Variants in SPON1 observed in about 807,000 individuals in gnomAD.
SPON1 encodes spondin 1.
Under a neutral mutation model 111.7 loss-of-function variants are expected in SPON1, and 52 were observed. The observed-to-expected ratio is 0.47, with a 90% confidence interval of 0.37 to 0.59. The LOEUF is 0.59. Among genes scored for constraint, SPON1 ranks in the 20% least tolerant of loss-of-function variants. The pLI is 0.00. For synonymous variants in SPON1, 410 were observed against 395.8 expected, an observed-to-expected ratio of 1.04 and a Z score of -0.43; for missense variants, 957 against 1,068.5, an observed-to-expected ratio of 0.90 and a Z score of 1.46.
chr11:13,965,357 G>A (rs1334745926), intron 1 of SPON1, among the ~76,000 whole-genome samples: 1 of 152,212 alleles, frequency 6.6e-6, no homozygotes. Flanking sequence ...TTCAGGCCAA[G>A]TGTACCCAGC....
chr11:13,982,764 TG>T, intron 1 of SPON1, 82 bp from the exon 2 acceptor site: 1 of 927,150 alleles, frequency 1.1e-6, no homozygotes. Context: ...GGGATATCGA[TG>T]GAGAACTCAG....
intron 2 of SPON1, among the ~76,000 whole-genome samples, chr11:14,020,038 T>C (rs1848469742): frequency 6.6e-6 from 1 of 152,166 alleles, no homozygotes; most frequent in South Asian, 2.1e-4. Flanking sequence ...CCAGTCATGA[T>C]TCAATCTCTG....
intron 15 of SPON1, among the ~76,000 whole-genome samples, chr11:14,264,045 A>AAAAAG (rs1554942184): frequency 6.6e-6 from 1 of 151,974 alleles, no homozygotes. Context: ...AAAAAAAAAA[A>AAAAAG]AAAAGAAAAG....
chr11:14,166,960 A>C (rs186922094), intron 6 of SPON1, among the ~76,000 whole-genome samples: 12 of 152,238 alleles, frequency 7.9e-5, no homozygotes, highest in African/African-American at 2.6e-4. Context: ...GATGACAAAA[A>C]TATTTTAGGG....
intron 6 of SPON1, among the ~76,000 whole-genome samples, chr11:14,197,424 G>A (rs1051628450): frequency 7.2e-5 from 11 of 151,728 alleles, no homozygotes; most frequent in African/African-American, 2.7e-4. Context: ...GCATCTGGGG[G>A]GCAAATCTAG....
rs571105638 is a variant in SPON1, at chr11:14,190,270, G to A, written c.826-53062G>A. Among the ~76,000 whole-genome samples, 7 of 152,294 alleles carry A rather than the reference G, an allele frequency of 4.6e-5. No homozygotes were observed. The South Asian group carries it at 1.4e-3, about 32-fold the overall frequency. On this transcript the variant is annotated intron_variant, in intron 6 of 15. Coordinates refer to ENST00000576479, the MANE Select transcript of SPON1 (RefSeq NM_006108.4). ...TGAAAGCAGGTCTTTCACTGTGGCT[G>A]CCAGGTTATGGCCATTTTTTAAAAG... is the stretch of plus-strand genomic sequence containing the variant.
chr11:14,173,408 AG>A (rs1221353051), intron 6 of SPON1, among the ~76,000 whole-genome samples: 6 of 152,016 alleles, frequency 3.9e-5, no homozygotes, highest in Non-Finnish European at 8.8e-5. Flanking sequence ...TTTTTTTTCA[AG>A]GTTTTTAATT....
intron 2 of SPON1, among the ~76,000 whole-genome samples, chr11:14,021,435 T>C (rs535753985): frequency 1.3e-5 from 2 of 151,884 alleles, no homozygotes; most frequent in Non-Finnish European, 2.9e-5. Flanking sequence ...GGGCTGAGGG[T>C]TGTATATTGG....
intron 3 of SPON1, among the ~76,000 whole-genome samples, chr11:14,066,712 T>G (rs1303184352): frequency 6.6e-6 from 1 of 152,166 alleles, no homozygotes; most frequent in African/African-American, 2.4e-5. Flanking sequence ...CCACCCCACC[T>G]TTCCTTTACA....
intron 6 of SPON1, among the ~76,000 whole-genome samples, chr11:14,200,560 A>G (rs1177925535): frequency 6.6e-6 from 1 of 152,064 alleles, no homozygotes; most frequent in Non-Finnish European, 1.5e-5. Flanking sequence ...AAGTTATATA[A>G]AGGATTCATA....
At chr11:14,128,147 C>T (rs1334455101) in intron 5 of SPON1, among the ~76,000 whole-genome samples, 1 of 152,194 alleles carries the variant, frequency 6.6e-6, no homozygotes, top group Non-Finnish European at 1.5e-5. Flanking sequence ...AAAACACAAT[C>T]ATGCCTTCCC....
chr11:14,003,125 C>T (rs1408423378), intron 2 of SPON1, among the ~76,000 whole-genome samples: 1 of 152,130 alleles, frequency 6.6e-6, no homozygotes, highest in Non-Finnish European at 1.5e-5. Flanking sequence ...AGGGAGCTGA[C>T]CACTCCCTGA....
At position 14,259,510 on chromosome 11, in the gene SPON1, C is replaced by A. The variant is rs1308790148; in HGVS notation, c.1664-24C>A. ...TAGGTCGGGGAGGCAGCAGGTGCGA[C>A]TCCAATGCCGCTGGCCTCCCCAGCT... On this transcript the variant is annotated intron_variant, in intron 12 of 15. Transcript: ENST00000576479. The surrounding 1 kb of genome is among the most constrained non-coding windows in gnomAD (Gnocchi z 5.0). 1 of 1,563,528 alleles carries A rather than the reference C, an allele frequency of 6.4e-7. No homozygotes were observed. The highest frequency in any genetic ancestry group is 1.4e-5 in the African/African-American group (1 of 73,858).
rs182873897 is a variant in SPON1 at position 14,128,380 on chromosome 11, C to T, written c.677-7040C>T. ...AGGGGCTATAGGCCCCATGCAAATC[C>T]AAAACCCAAGGCAGTCATTAAATCT... On this transcript the variant is annotated intron_variant, in intron 5 of 15. Coordinates refer to ENST00000576479, the MANE Select transcript of SPON1 (RefSeq NM_006108.4). Among the ~76,000 whole-genome samples, 408 of 152,318 alleles carry T rather than the reference C, an allele frequency of 2.7e-3. 1 individual carries two copies. The highest frequency in any genetic ancestry group is 5.2e-3 in the Non-Finnish European group (354 of 68,028).
chr11:14,252,106 C>T (rs1473302339), intron 7 of SPON1, among the ~76,000 whole-genome samples: 1 of 152,218 alleles, frequency 6.6e-6, no homozygotes, highest in Non-Finnish European at 1.5e-5. Flanking sequence ...GAGTTCAAGT[C>T]ATCATACGCA....
At chr11:13,994,057 T>G (rs1375919665) in intron 2 of SPON1, among the ~76,000 whole-genome samples, 3 of 152,214 alleles carry the variant, frequency 2.0e-5, no homozygotes, top group Non-Finnish European at 2.9e-5. Context: ...TAAACTATTT[T>G]TGTGATCTCT....
At chr11:14,231,749 TCTTA>T (rs2133912238) in intron 6 of SPON1, among the ~76,000 whole-genome samples, 1 of 152,300 alleles carries the variant, frequency 6.6e-6, no homozygotes, top group East Asian at 1.9e-4. Context: ...TTACAGATAC[TCTTA>T]CTTGTGACAT....
chr11:14,007,766 G>T (rs561526321), intron 2 of SPON1, among the ~76,000 whole-genome samples: 1 of 152,144 alleles, frequency 6.6e-6, no homozygotes, highest in Non-Finnish European at 1.5e-5. Context: ...CAGACTGGGG[G>T]CTGGGGACTC....
intron 2 of SPON1, among the ~76,000 whole-genome samples, chr11:13,988,626 G>T (rs559883003): frequency 1.3e-5 from 2 of 152,068 alleles, no homozygotes; most frequent in African/African-American, 4.8e-5. Flanking sequence ...GTCCTGTGCC[G>T]GTTTTCAAAG....
Sources: allele counts gnomAD v4.1 joint callset (sites outside exome capture counted in the v4.1 genomes callset), GRCh38; gene constraint gnomAD v4.1.1; non-coding constraint Gnocchi (gnomAD v3.1); transcripts MANE v1.5; gene names NCBI Gene and HGNC (gene_info 2026-07-23, HGNC 2026-07-21).